POLN: variants seen among roughly 807,000 people sequenced by gnomAD.
POLN encodes the protein DNA polymerase N.
In POLN, 108 loss-of-function variants were observed where a neutral mutation model predicts 113.5. The ratio of observed to expected loss-of-function variants is 0.95; its 90% CI spans 0.81 to 1.12. The LOEUF (loss-of-function observed/expected upper bound fraction) is 1.12, where lower values mean the gene tolerates loss of function less well. Among genes scored for constraint, POLN ranks in the 50% most tolerant of loss-of-function variants. POLN has a pLI of 0.00. For synonymous variants in POLN, 386 were observed against 391.5 expected, an observed-to-expected ratio of 0.99 and a Z score of 0.17; for missense variants, 1,097 against 1,077.1, an observed-to-expected ratio of 1.02 and a Z score of -0.26.
intron 19 of POLN, 116 bp from the exon 20 acceptor site, chr4:2,096,049 A>C: frequency 1.1e-6 from 1 of 882,312 alleles, no homozygotes; most frequent in Non-Finnish European, 1.9e-6. Context: ...TTATGCTTTC[A>C]TGGTGGCCGG....
intron 12 of POLN, 117 bp from the exon 13 acceptor site, chr4:2,170,891 A>G: frequency 1.0e-6 from 1 of 985,930 alleles, no homozygotes; most frequent in Non-Finnish European, 1.5e-6. Flanking sequence ...AGACATTACA[A>G]CATGCTTAAA....
At chr4:2,085,580 G>C in intron 21 of POLN, 33 bp downstream of exon 21, 1 of 1,611,280 alleles carries the variant, frequency 6.2e-7, no homozygotes, top group Non-Finnish European at 8.5e-7. Context: ...AGGGTTGGCA[G>C]GGAGCAGGGA....
At chr4:2,216,458 A>C (rs1360889742) in intron 3 of POLN, among the ~76,000 whole-genome samples, 1 of 152,146 alleles carries the variant, frequency 6.6e-6, no homozygotes, top group African/African-American at 2.4e-5. Flanking sequence ...TGACTGCTTC[A>C]TCACAGGTGT....
At chr4:2,215,576 G>C (rs971679870) in intron 3 of POLN, among the ~76,000 whole-genome samples, 1 of 152,166 alleles carries the variant, frequency 6.6e-6, no homozygotes, top group Non-Finnish European at 1.5e-5. Context: ...GTCACTCCTG[G>C]GGAAGGGGTG....
chr4:2,074,021 G>A (rs1432011242), intron 24 of POLN, among the ~76,000 whole-genome samples: 1 of 152,250 alleles, frequency 6.6e-6, no homozygotes, highest in African/African-American at 2.4e-5. Context: ...GGCGAGGCTG[G>A]AGAGCCGGCC....
chr4:2,190,403 C>G (rs1733410061), intron 7 of POLN, among the ~76,000 whole-genome samples: 1 of 151,896 alleles, frequency 6.6e-6, no homozygotes, highest in Non-Finnish European at 1.5e-5. Flanking sequence ...GGACTTAAAT[C>G]TAAGACCTGA....
chr4:2,212,954 C>T, intron 4 of POLN, 93 bp downstream of exon 4: 2 of 716,710 alleles, frequency 2.8e-6, no homozygotes, highest in East Asian at 3.2e-5. Context: ...GGTGTGGTAT[C>T]TACAGTGCCT....
intron 16 of POLN, chr4:2,139,995 A>G (rs759016448): frequency 6.6e-6 from 1 of 152,216 alleles, no homozygotes; most frequent in Non-Finnish European, 1.5e-5. Flanking sequence ...AAAACAGAAT[A>G]GAACACTTCC....
In POLN at chr4:2,102,386, C is replaced by A. The variant is rs192560026; in HGVS notation, c.1983-6453G>T. On this transcript the variant is annotated intron_variant, in intron 19 of 25. Coordinates refer to ENST00000511885, the MANE Select transcript of POLN (RefSeq NM_181808.4). ...CATTACCACCTCAGCTGGCTCCTAC[C>A]TGCAAGTGCTGCCTGCTGGCCTGGG... Among the ~76,000 whole-genome samples the A allele has an allele frequency of 2.9e-3, 446 of 152,324 alleles. 3 individuals carry two copies. The highest frequency in any genetic ancestry group is 0.01 in the African/African-American group (428 of 41,570).
At chr4:2,131,867 C>A (rs549706270) in intron 16 of POLN, among the ~76,000 whole-genome samples, 17 of 152,174 alleles carry the variant, frequency 1.1e-4, no homozygotes, top group Non-Finnish European at 2.4e-4. Flanking sequence ...ATGCTTCTAG[C>A]CCGTTTCAAC....
intron 16 of POLN, among the ~76,000 whole-genome samples, chr4:2,142,001 C>T (rs976708552): frequency 6.6e-6 from 1 of 152,202 alleles, no homozygotes; most frequent in Admixed American, 6.5e-5. Flanking sequence ...TGCTCTCCCC[C>T]TCAGCACCTC....
chr4:2,123,524 G>A (rs1263929782), intron 19 of POLN, among the ~76,000 whole-genome samples: 4 of 151,428 alleles, frequency 2.6e-5, no homozygotes, highest in Admixed American at 2.6e-4. Context: ...CTACTCGGGA[G>A]GCTGAGGCAG....
intron 25 of POLN, 125 bp from the exon 26 acceptor site, chr4:2,072,424 C>A: frequency 2.5e-6 from 2 of 795,386 alleles, no homozygotes; most frequent in Non-Finnish European, 3.9e-6. Context: ...CATGATCAGA[C>A]AGCCACACGC....
chr4:2,120,967 TG>T (rs1307174402), intron 19 of POLN, among the ~76,000 whole-genome samples: 2 of 152,240 alleles, frequency 1.3e-5, no homozygotes, highest in East Asian at 3.8e-4. Context: ...GTCTGTTCCT[TG>T]GGATTTTGCA....
intron 2 of POLN, among the ~76,000 whole-genome samples, chr4:2,232,601 A>T (rs995130900): frequency 1.3e-5 from 2 of 152,212 alleles, no homozygotes; most frequent in Non-Finnish European, 2.9e-5. Flanking sequence ...AATGAAGACC[A>T]ATAAAAGAGA....
In POLN at chr4:2,210,973, A is replaced by G. The variant is rs187266564; in HGVS notation, c.213+2074T>C. Among the ~76,000 whole-genome samples, 690 of 147,908 alleles carry G rather than the reference A, an allele frequency of 4.7e-3. 5 individuals are homozygous for G. The highest frequency in any genetic ancestry group is 0.016 in the African/African-American group (657 of 40,412). On this transcript the variant is annotated intron_variant, in intron 4 of 25. Transcript: ENST00000511885. Reference sequence around the variant, plus strand: ...AATAAATAAATAAATAAAATAGTCCAGGCACGGTGGCTCATGCCTTTAATC... The same window carrying G: ...AATAAATAAATAAATAAAATAGTCCGGGCACGGTGGCTCATGCCTTTAATC...
chr4:2,086,892 A>G (rs1396685196), intron 20 of POLN, among the ~76,000 whole-genome samples: 1 of 152,134 alleles, frequency 6.6e-6, no homozygotes, highest in African/African-American at 2.4e-5. Context: ...CAGGGGGTGA[A>G]GGTGTGGGGT....
chr4:2,099,393 C>T (rs1392218667), intron 19 of POLN, among the ~76,000 whole-genome samples: 4 of 152,218 alleles, frequency 2.6e-5, no homozygotes, highest in African/African-American at 4.8e-5. Context: ...GTGAAGGGAA[C>T]GGCCCTGCAC....
At position 2,093,373 on chromosome 4, in the gene POLN, G is replaced by GT. The variant is rs1477935462; in HGVS notation, c.2065+2477dup. 6.6e-6 allele frequency among the ~76,000 whole-genome samples: 1 copy of GT among 152,222 alleles called. No individual in the cohort carries two copies. The highest frequency in any genetic ancestry group is 1.5e-5 in the Non-Finnish European group (1 of 68,038). ...CACAGAAGTGAAGTAGGACTCAGAC[G>GT]TAACGGCAGATGACAGAGATGAGAG... On this transcript the variant is annotated intron_variant, in intron 20 of 25. Coordinates refer to ENST00000511885, the MANE Select transcript of POLN (RefSeq NM_181808.4). The surrounding 1 kb of genome is among the most constrained non-coding windows in gnomAD (Gnocchi z 4.1).
Sources: gnomAD v4.1 joint callset for allele counts (sites outside exome capture counted in the v4.1 genomes callset) on GRCh38, gnomAD v4.1.1 for gene constraint, Gnocchi (gnomAD v3.1) non-coding constraint, MANE v1.5 for transcripts, NCBI Gene and HGNC (gene_info 2026-07-23, HGNC 2026-07-21) for gene names.